The following PRDM16 variants were observed in gnomAD, a reference collection of about 807,000 sequenced individuals.
PRDM16 encodes histone-lysine N-methyltransferase PRDM16.
In PRDM16, 23 loss-of-function variants were observed where a neutral mutation model predicts 110.6. The ratio of observed to expected loss-of-function variants is 0.21; its 90% CI spans 0.15 to 0.29. PRDM16 has a LOEUF of 0.29. Among genes scored for constraint, PRDM16 ranks in the 10% least tolerant of loss-of-function variants. The probability of loss-of-function intolerance (pLI) is 1.00; values close to 1 mark genes in which losing one functional copy is unlikely to be tolerated. For missense variants in PRDM16, 1,615 were observed against 1,794.3 expected (o/e 0.90, Z 1.81); for synonymous variants, 799 against 781.8 (o/e 1.02, Z -0.37).
At position 3,435,445 on chromosome 1, in the gene PRDM16, G is replaced by A. The variant is rs12037306; in HGVS notation, c.*1634G>A. ...CATGAATCCTGCTGTCCCTGCTGCC[G>A]TTTACCAGACAATCATATGTTTTTG... On this transcript the variant is annotated 3_prime_UTR_variant, in exon 17 of 17. Coordinates refer to ENST00000270722, the MANE Select transcript of PRDM16 (RefSeq NM_022114.4). The A allele has an allele frequency of 0.037, 8,640 of 230,608 alleles. 955 individuals carry two copies. The highest frequency in any genetic ancestry group is 0.33 in the East Asian group (5,280 of 16,244). The allele number at this position is 230,608 out of a possible 1,614,324, so 14.3% of individuals were successfully genotyped here. A position where few individuals can be genotyped will look rare whatever the true frequency, so the allele number is the denominator to read the frequency against.
At chr1:3,181,547 C>CACGCAGTCTTAT (rs1644188679) in intron 1 of PRDM16, among the ~76,000 whole-genome samples, 1 of 47,304 alleles carries the variant, frequency 2.1e-5, no homozygotes, top group African/African-American at 1.6e-4. Flanking sequence ...CACGGTCTTA[C>CACGCAGTCTTAT]ACACGCAGTC....
chr1:3,381,842 G>T (rs1414350783), intron 3 of PRDM16, among the ~76,000 whole-genome samples: 6 of 152,232 alleles, frequency 3.9e-5, no homozygotes, highest in African/African-American at 1.4e-4. Flanking sequence ...GAGAGATACA[G>T]AGACAGACAG....
intron 3 of PRDM16, among the ~76,000 whole-genome samples, chr1:3,355,487 G>T (rs1184288499): frequency 6.6e-6 from 1 of 152,186 alleles, no homozygotes; most frequent in Admixed American, 6.5e-5. Context: ...ACCCTGGGGA[G>T]CTAGGTCTCA....
intron 2 of PRDM16, among the ~76,000 whole-genome samples, chr1:3,217,721 T>C (rs1386615609): frequency 6.6e-6 from 1 of 152,090 alleles, no homozygotes; most frequent in Non-Finnish European, 1.5e-5. Context: ...CCGGTAGATC[T>C]TTTTTTTCAA....
At chr1:3,280,548 C>T (rs190612938) in intron 3 of PRDM16, among the ~76,000 whole-genome samples, 87 of 152,326 alleles carry the variant, frequency 5.7e-4, no homozygotes, top group African/African-American at 2.0e-3. Flanking sequence ...CTTCCCACCT[C>T]AGGCCTTCCA....
At chr1:3,421,428 G>A (rs1392506162) in intron 12 of PRDM16, among the ~76,000 whole-genome samples, 2 of 152,170 alleles carry the variant, frequency 1.3e-5, no homozygotes, top group Non-Finnish European at 2.9e-5. Context: ...GCTCACGGGC[G>A]TGTTATTTTA....
At chr1:3,137,764 C>A (rs1403626428) in intron 1 of PRDM16, among the ~76,000 whole-genome samples, 1 of 152,270 alleles carries the variant, frequency 6.6e-6, no homozygotes, top group Non-Finnish European at 1.5e-5. Flanking sequence ...CCTTTCTAAT[C>A]CTCCTGCACA....
rs1468669067 is a variant in PRDM16 at position 3,339,637 on chromosome 1, G to A, written c.439-45515G>A. 6.6e-6 allele frequency among the ~76,000 whole-genome samples: 1 copy of A among 152,150 alleles called. No homozygotes were observed. Among genetic ancestry groups the A allele is most frequent in the Non-Finnish European group, 1.5e-5 (1 of 68,018 alleles). ...TCACACCTCCCACCTTGCTCGTGAA[G>A]GTGACAGTCCTACTGCGGACCCCTG... is the stretch of plus-strand genomic sequence containing the variant. On this transcript the variant is annotated intron_variant, in intron 3 of 16. Transcript: ENST00000270722. This position sits in a 1 kb window ranked among gnomAD's most constrained non-coding sequence, Gnocchi z 5.0.
chr1:3,342,116 T>C (rs1473380525), intron 3 of PRDM16, among the ~76,000 whole-genome samples: 2 of 152,180 alleles, frequency 1.3e-5, no homozygotes, highest in East Asian at 3.9e-4. Context: ...CGATGGCCTC[T>C]GAGAGGGGAG....
intron 1 of PRDM16, among the ~76,000 whole-genome samples, chr1:3,125,809 C>T (rs1376029143): frequency 6.6e-6 from 1 of 152,158 alleles, no homozygotes; most frequent in African/African-American, 2.4e-5. Context: ...AGGCGAGGCG[C>T]GGCCAAGGGT....
At chr1:3,416,258 A>G (rs1638254835) in intron 10 of PRDM16, among the ~76,000 whole-genome samples, 1 of 152,224 alleles carries the variant, frequency 6.6e-6, no homozygotes, top group African/African-American at 2.4e-5. Flanking sequence ...GCTCCCTACC[A>G]GCAGCAGCTG....
chr1:3,329,405 G>A (rs1348721265), intron 3 of PRDM16, among the ~76,000 whole-genome samples: 1 of 145,632 alleles, frequency 6.9e-6, no homozygotes, highest in Non-Finnish European at 1.5e-5. Flanking sequence ...ATCCAGTTTT[G>A]CAGGAATGGA....
intron 1 of PRDM16, among the ~76,000 whole-genome samples, chr1:3,089,130 C>T (rs918821230): frequency 6.6e-6 from 1 of 152,332 alleles, no homozygotes; most frequent in South Asian, 2.1e-4. Context: ...CCCTTGTCGC[C>T]CCACCTGTCC....
At chr1:3,301,208 G>A (rs1168105446) in intron 3 of PRDM16, among the ~76,000 whole-genome samples, 1 of 152,064 alleles carries the variant, frequency 6.6e-6, no homozygotes, top group Non-Finnish European at 1.5e-5. Context: ...GCATGTACCT[G>A]TAGTCCTAGC....
chr1:3,296,983 C>T (rs565490834), intron 3 of PRDM16, among the ~76,000 whole-genome samples: 1 of 152,330 alleles, frequency 6.6e-6, no homozygotes, highest in South Asian at 2.1e-4. Flanking sequence ...AAGCCTATTT[C>T]AGGGTAAAGT....
chr1:3,169,804 C>T (rs375824770), intron 1 of PRDM16, among the ~76,000 whole-genome samples: 2 of 152,192 alleles, frequency 1.3e-5, no homozygotes, highest in East Asian at 1.9e-4. Context: ...CCCCGAGCCT[C>T]GGGCCCTCTC....
intron 1 of PRDM16, among the ~76,000 whole-genome samples, chr1:3,169,715 G>A (rs917888945): frequency 1.3e-5 from 2 of 152,186 alleles, no homozygotes; most frequent in African/African-American, 2.4e-5. Context: ...CACTTCCACC[G>A]TCTCTGGCTC....
At position 3,245,012 on chromosome 1, in the gene PRDM16, T is replaced by C. The variant is rs978313373; in HGVS notation, c.438+875T>C. Among the ~76,000 whole-genome samples the C allele has an allele frequency of 2.6e-5, 4 of 152,220 alleles. No individual in the cohort carries two copies. Among genetic ancestry groups the C allele is most frequent in the Admixed American group, 2.0e-4 (3 of 15,304 alleles). On this transcript the variant is annotated intron_variant, in intron 3 of 16. Transcript: ENST00000270722. This position sits in a 1 kb window ranked among gnomAD's most constrained non-coding sequence, Gnocchi z 4.7. ...TTGGCATCTTTGCTTTAAAGCAAGA[T>C]AAAATTTAGAGAGAGTCACATTTAC...
chr1:3,321,401 C>T (rs1279015127), intron 3 of PRDM16, among the ~76,000 whole-genome samples: 1 of 148,526 alleles, frequency 6.7e-6, no homozygotes, highest in Non-Finnish European at 1.5e-5. Flanking sequence ...TGAGTGTGTG[C>T]ATTTGTGAGT....
Sources: allele counts gnomAD v4.1 joint callset (sites outside exome capture counted in the v4.1 genomes callset), GRCh38; gene constraint gnomAD v4.1.1; non-coding constraint Gnocchi (gnomAD v3.1); transcripts MANE v1.5; gene names NCBI Gene and HGNC (gene_info 2026-07-23, HGNC 2026-07-21).